The following PPP1R15B variants were observed in gnomAD, a reference collection of about 807,000 sequenced individuals.
The protein encoded by PPP1R15B is protein phosphatase 1 regulatory subunit 15B, also known as protein phosphatase 1, regulatory (inhibitor) subunit 15B.
Under a neutral mutation model 53.9 loss-of-function variants are expected in PPP1R15B, and 31 were observed. The observed-to-expected ratio is 0.58, with a 90% confidence interval of 0.43 to 0.78. The LOEUF (loss-of-function observed/expected upper bound fraction) is 0.78, where lower values mean the gene tolerates loss of function less well. Ranked by LOEUF, PPP1R15B falls within the 30% of genes least tolerant of loss-of-function variation. PPP1R15B has a pLI of 0.00. For missense variants in PPP1R15B, 928 were observed against 849.6 expected (o/e 1.09, Z -1.15); for synonymous variants, 345 against 329.1 (o/e 1.05, Z -0.52).
rs763995037 is a variant in PPP1R15B, at chr1:204,410,986, C to T, written c.426G>A (p.Trp142Ter). Reference sequence around the variant, plus strand: ...ATTGCCAGTGGATCCCCTCCTCTAGCCAATCAAGGGGACTGGTGACCGAGG... The same window carrying T: ...ATTGCCAGTGGATCCCCTCCTCTAGTCAATCAAGGGGACTGGTGACCGAGG... ...SDPSVTSPLD[W>*]LEEGIHWQYS... The change falls in exon 1 of 2, where the codon TGG (tryptophan) becomes TGA (stop). Residue 142 changes from tryptophan (W) to a stop codon, truncating the protein, a stop_gained. Transcript: ENST00000367188. LOFTEE classifies it high-confidence loss of function. The T allele has an allele frequency of 6.2e-7, 1 of 1,614,164 alleles. No homozygotes were observed. The highest frequency in any genetic ancestry group is 8.5e-7 in the Non-Finnish European group (1 of 1,180,010).
downstream of PPP1R15B, among the ~76,000 whole-genome samples, chr1:204,398,633 G>C (rs1241687152): frequency 2.0e-5 from 3 of 152,154 alleles, no homozygotes; most frequent in Non-Finnish European, 4.4e-5. Context: ...TTTCCAGCTT[G>C]TTTACACATT....
Position 204,404,842 on chromosome 1 carries a change from C to G in PPP1R15B, c.*1250G>C. 1.0e-6 allele frequency: 1 copy of G among 985,836 alleles called. No individual in the cohort carries two copies. Among genetic ancestry groups the G allele is most frequent in the African/African-American group, 1.7e-5 (1 of 57,360 alleles). The allele number at this position is 985,836 out of a possible 1,614,324, so 61.1% of individuals were successfully genotyped here. On this transcript the variant is annotated 3_prime_UTR_variant, in exon 2 of 2. Transcript: ENST00000367188. ...CTTATGTGTACCTTGTAAAGCTAAA[C>G]AAATAAACCAAACACAAACAGTCAA...
chr1:204,398,329 A>C (rs1472722690), downstream of PPP1R15B, among the ~76,000 whole-genome samples: 1 of 152,086 alleles, frequency 6.6e-6, no homozygotes, highest in Non-Finnish European at 1.5e-5. Context: ...AAAAATAATA[A>C]AATTAGCCAG....
At chr1:204,403,062 C>A (rs1220297613), downstream of PPP1R15B, among the ~76,000 whole-genome samples, 2 of 151,794 alleles carry the variant, frequency 1.3e-5, no homozygotes, top group African/African-American at 4.8e-5. Flanking sequence ...ACAGAGGCTC[C>A]GTCTCAAAAA....
Position 204,403,991 on chromosome 1 carries a change from C to G in PPP1R15B, c.*2101G>C. Reference sequence around the variant, plus strand: ...AGATGTCTCATTATTTTCAAATACACAGAGGTGCTAGGTTTAAGAAACAGG... The same window carrying G: ...AGATGTCTCATTATTTTCAAATACAGAGAGGTGCTAGGTTTAAGAAACAGG... On this transcript the variant is annotated 3_prime_UTR_variant, in exon 2 of 2. Transcript: ENST00000367188. The G allele has an allele frequency of 2.0e-6, 2 of 985,400 alleles. No homozygotes were observed. The highest frequency in any genetic ancestry group is 2.4e-6 in the Non-Finnish European group (2 of 829,900). 61.0% of individuals were successfully genotyped at this position (985,400 alleles called of 1,614,324 possible).
At position 204,410,737 on chromosome 1, in the gene PPP1R15B, A is replaced by G; in HGVS notation, c.675T>C (p.Pro225=). 6.2e-7 allele frequency: 1 copy of G among 1,614,198 alleles called. No individual in the cohort carries two copies. Among genetic ancestry groups the G allele is most frequent in the Admixed American group, 1.7e-5 (1 of 60,018 alleles). The change falls in exon 1 of 2, where the codon CCT becomes CCC. Residue 225 remains proline (P), a synonymous_variant. Coordinates refer to ENST00000367188, the MANE Select transcript of PPP1R15B (RefSeq NM_032833.5). Reference sequence around the variant, plus strand: ...GCCTAGGAAAGCAGTCCAGGTAGGAAGGGTTCAGCAAATAGGATACCACAC... The same window carrying G: ...GCCTAGGAAAGCAGTCCAGGTAGGAGGGGTTCAGCAAATAGGATACCACAC... ...NFSVVSYLLN[P]SYLDCFPRLE... is the part of the protein sequence containing the mutation.
rs1372013362 is a variant in PPP1R15B, at chr1:204,405,756, T to C, written c.*336A>G. On this transcript the variant is annotated 3_prime_UTR_variant, in exon 2 of 2. Coordinates refer to ENST00000367188, the MANE Select transcript of PPP1R15B (RefSeq NM_032833.5). ...AAATGGGCTTTAAGCCCTATAAATA[T>C]TGTTTTCCAAGAAAATAAGTTTTGA... 2 of 1,031,762 alleles carry C rather than the reference T, an allele frequency of 1.9e-6. No individual in the cohort carries two copies. Among genetic ancestry groups the C allele is most frequent in the Non-Finnish European group, 2.3e-6 (2 of 857,716 alleles). The allele number at this position is 1,031,762 out of a possible 1,614,324, so 63.9% of individuals were successfully genotyped here.
At chr1:204,406,604 T>C (rs764224869) in intron 1 of PPP1R15B, among the ~76,000 whole-genome samples, 3 of 152,038 alleles carry the variant, frequency 2.0e-5, no homozygotes, top group Non-Finnish European at 1.5e-5. Flanking sequence ...ACGAAAAAAT[T>C]AGCCAGGCGT....
At position 204,404,639 on chromosome 1, in the gene PPP1R15B, G is replaced by A. The variant is rs1674234775; in HGVS notation, c.*1453C>T. 1 of 985,646 alleles carries A rather than the reference G, an allele frequency of 1.0e-6. No individual in the cohort carries two copies. Among genetic ancestry groups the A allele is most frequent in the Non-Finnish European group, 1.2e-6 (1 of 829,776 alleles). 61.1% of individuals were successfully genotyped at this position (985,646 alleles called of 1,614,324 possible). On this transcript the variant is annotated 3_prime_UTR_variant, in exon 2 of 2. Transcript: ENST00000367188. The stretch of plus-strand genomic sequence containing the variant: ...TGGATAGAAATAAAATAATGACCAG[G>A]TAGATTGTAAACTGAGGTAGTAACC...
Position 204,404,576 on chromosome 1 carries a change from A to T in PPP1R15B, c.*1516T>A. ...TAGTGTTGCATTCTCAATGTGTTTA[A>T]TTATGAATATATAAACAGTGGAGGC... On this transcript the variant is annotated 3_prime_UTR_variant, in exon 2 of 2. Transcript: ENST00000367188. 1 of 984,712 alleles carries T rather than the reference A, an allele frequency of 1.0e-6. No individual in the cohort carries two copies. Among genetic ancestry groups the T allele is most frequent in the Non-Finnish European group, 1.2e-6 (1 of 828,860 alleles). The allele number at this position is 984,712 out of a possible 1,614,324, so 61.0% of individuals were successfully genotyped here.
At chr1:204,407,425 T>C (rs1275987691) in intron 1 of PPP1R15B, among the ~76,000 whole-genome samples, 1 of 152,202 alleles carries the variant, frequency 6.6e-6, no homozygotes, top group Non-Finnish European at 1.5e-5. Context: ...TACTAATCAC[T>C]ACTTAATTTC....
chr1:204,403,782 A>C lies in PPP1R15B; in HGVS notation c.*2310T>G. On this transcript the variant is annotated 3_prime_UTR_variant, in exon 2 of 2. Transcript: ENST00000367188. ...CTTTGTTCTAACTAGAATTGGGATG[A>C]AACAAGAATTTTGCTTTTTTCTCCT... The C allele has an allele frequency of 1.0e-6, 1 of 985,852 alleles. No individual in the cohort carries two copies. The highest frequency in any genetic ancestry group is 1.2e-6 in the Non-Finnish European group (1 of 829,896). 61.1% of individuals were successfully genotyped at this position (985,852 alleles called of 1,614,324 possible).
chr1:204,405,093 C>T lies in PPP1R15B; in HGVS notation c.*999G>A. The T allele has an allele frequency of 5.1e-6, 5 of 985,750 alleles. No homozygotes were observed. Among genetic ancestry groups the T allele is most frequent in the Non-Finnish European group, 6.0e-6 (5 of 829,852 alleles). The allele number at this position is 985,750 out of a possible 1,614,324, so 61.1% of individuals were successfully genotyped here. ...TTCCAATTTTACAGTGGGATCCTGA[C>T]AGGTTTTAAAAGTGACAGTGCTGAG... On this transcript the variant is annotated 3_prime_UTR_variant, in exon 2 of 2. Coordinates refer to ENST00000367188, the MANE Select transcript of PPP1R15B (RefSeq NM_032833.5).
At chr1:204,396,812 C>T (rs1213713709), downstream of PPP1R15B, among the ~76,000 whole-genome samples, 1 of 152,106 alleles carries the variant, frequency 6.6e-6, no homozygotes, top group African/African-American at 2.4e-5. Context: ...AGACGTTGCT[C>T]AAAGGATACA....
chr1:204,402,702 G>GTCC (rs1291826343), downstream of PPP1R15B, among the ~76,000 whole-genome samples: 4 of 151,718 alleles, frequency 2.6e-5, no homozygotes, highest in African/African-American at 9.7e-5. Context: ...AATTACAGGC[G>GTCC]TGAGCCACCA....
At position 204,409,631 on chromosome 1, in the gene PPP1R15B, G is replaced by GCC; in HGVS notation, c.1780_1781insGG (p.Ser594TrpfsTer49). On this transcript the variant is annotated frameshift_variant, in exon 1 of 2. Coordinates refer to ENST00000367188, the MANE Select transcript of PPP1R15B (RefSeq NM_032833.5). LOFTEE classifies it high-confidence loss of function. ...GTGACACTCAGAAATGGCCACAATG[G>GCC]ACTCAGATGGGGTCTTTGAGTCACG... 1 of 1,614,118 alleles carries GCC rather than the reference G, an allele frequency of 6.2e-7. No homozygotes were observed. Among genetic ancestry groups the GCC allele is most frequent in the Non-Finnish European group, 8.5e-7 (1 of 1,180,026 alleles).
chr1:204,410,546 C>G lies in PPP1R15B; in HGVS notation c.866G>C (p.Gly289Ala). 1 of 1,614,056 alleles carries G rather than the reference C, an allele frequency of 6.2e-7. No individual in the cohort carries two copies. Among genetic ancestry groups the G allele is most frequent in the Non-Finnish European group, 8.5e-7 (1 of 1,179,980 alleles). ...GCGAAGATGGTGAATTTCTGGTAGG[C>G]CTTCCGTAGAAAGAGGTGGACATCC... ...WQGCPPLSTE[G>A]LPEIHHLRMK... Residue 289 changes from glycine to alanine, a missense_variant, in exon 1 of 2, where the codon GGC (glycine) becomes GCC (alanine). By Grantham distance (60) the Gly-to-Ala change is moderately conservative (BLOSUM62 0). Coordinates refer to ENST00000367188, the MANE Select transcript of PPP1R15B (RefSeq NM_032833.5).
chr1:204,400,917 C>G, downstream of PPP1R15B: 1 of 177,640 alleles, frequency 5.6e-6, no homozygotes, highest in Non-Finnish European at 1.1e-5. Context: ...TGTTCCAAAG[C>G]TGCTTCCCTT....
At chr1:204,406,373 C>T in intron 1 of PPP1R15B, 60 bp from the exon 2 acceptor site, 1 of 1,576,208 alleles carries the variant, frequency 6.3e-7, no homozygotes, top group African/African-American at 1.4e-5. Flanking sequence ...GCATTGAGGT[C>T]AATAACCCTT....
Sources: allele counts gnomAD v4.1 joint callset (sites outside exome capture counted in the v4.1 genomes callset), GRCh38; gene constraint gnomAD v4.1.1; transcripts MANE v1.5; gene names NCBI Gene and HGNC (gene_info 2026-07-23, HGNC 2026-07-21).